The following PPIL2 variants were observed in gnomAD, a reference collection of about 807,000 sequenced individuals.
PPIL2 encodes peptidylprolyl isomerase like 2.
A neutral mutation model predicts 75.2 loss-of-function variants in PPIL2; 50 were observed. That is an observed-to-expected ratio of 0.66 (90% CI 0.53 to 0.84). PPIL2 has a LOEUF of 0.84. Ranked by LOEUF, PPIL2 falls within the 40% of genes least tolerant of loss-of-function variation. The pLI is 0.00. For synonymous variants in PPIL2, 245 were observed against 258.8 expected, an observed-to-expected ratio of 0.95 and a Z score of 0.51; for missense variants, 590 against 685.0, an observed-to-expected ratio of 0.86 and a Z score of 1.55.
chr22:21,696,915 C>T lies in PPIL2; in HGVS notation c.*1425C>T, dbSNP rs116407377. 2.1e-3 allele frequency: 3,293 copies of T among 1,591,156 alleles called. 55 individuals carry two copies. The African/African-American group carries it at 0.039, about 19-fold the overall frequency. ...CTGATGACCACTAGAGGTATGTCTG[C>T]CCCTCGTCACCCTGCTGCACACCAA... On this transcript the variant is annotated 3_prime_UTR_variant, in exon 20 of 20. Coordinates refer to ENST00000398831, the MANE Select transcript of PPIL2 (RefSeq NM_014337.4).
intron 6 of PPIL2, 107 bp downstream of exon 6, chr22:21,675,222 A>G (rs1232526328): frequency 3.6e-6 from 4 of 1,102,480 alleles, no homozygotes; most frequent in Non-Finnish European, 5.4e-6. Context: ...ACCAAGCTAG[A>G]CACCTGCTTT....
At chr22:21,670,045 TA>T in intron 2 of PPIL2, 83 bp downstream of exon 2, 1 of 1,395,706 alleles carries the variant, frequency 7.2e-7, no homozygotes, top group African/African-American at 1.4e-5. Flanking sequence ...GCTGTAAAAA[TA>T]GACAACAAGA....
rs773068221 is a variant in PPIL2 at position 21,669,977 on chromosome 22, C to T, written c.82+15C>T. Reference sequence around the variant, plus strand: ...CAAGAAGCCAGGTAAGGCATGCAGTCTTTCTGTTCCCCGTTGGGGGAGTGG... The same window carrying T: ...CAAGAAGCCAGGTAAGGCATGCAGTTTTTCTGTTCCCCGTTGGGGGAGTGG... On this transcript the variant is annotated intron_variant, in intron 2 of 19. Transcript: ENST00000398831. The T allele has an allele frequency of 1.9e-6, 3 of 1,609,830 alleles. No individual in the cohort carries two copies. In the South Asian group the frequency reaches 3.3e-5, roughly 18 times the overall value.
intron 6 of PPIL2, among the ~76,000 whole-genome samples, chr22:21,676,305 TA>T (rs1223089360): frequency 9.8e-4 from 62 of 63,220 alleles, no homozygotes; most frequent in South Asian, 5.9e-3. Context: ...TTTATTTATT[TA>T]TTTTGTGTGT....
chr22:21,679,466 G>A (rs1194873808), intron 6 of PPIL2, among the ~76,000 whole-genome samples: 1 of 147,882 alleles, frequency 6.8e-6, no homozygotes, highest in East Asian at 2.0e-4. Flanking sequence ...AGCCAGTGTG[G>A]TTGAGCACAC....
intron 9 of PPIL2, among the ~76,000 whole-genome samples, chr22:21,684,421 C>A (rs2067257907): frequency 8.0e-6 from 1 of 124,516 alleles, no homozygotes; most frequent in Non-Finnish European, 1.6e-5. Context: ...CACTGCACTC[C>A]AGCCTGGACG....
rs372784773 is a variant in PPIL2 at position 21,695,392 on chromosome 22, A to G, written c.1467-2A>G. The stretch of plus-strand genomic sequence containing the variant: ...GCTCCCAGCGGCTTCTTCTCTTCCC[A>G]GGAAGCGAGCAGCAGAGGAAGAGCC... On this transcript the variant is annotated splice_acceptor_variant, in intron 19 of 19. Coordinates refer to ENST00000398831, the MANE Select transcript of PPIL2 (RefSeq NM_014337.4). LOFTEE classifies it high-confidence loss of function. 5 of 1,604,070 alleles carry G rather than the reference A, an allele frequency of 3.1e-6. No individual in the cohort carries two copies. The African/African-American group carries it at 5.4e-5, about 17-fold the overall frequency.
intron 3 of PPIL2, 163 bp downstream of exon 3, chr22:21,670,774 T>C: frequency 1.1e-6 from 1 of 907,478 alleles, no homozygotes; most frequent in Non-Finnish European, 1.8e-6. Flanking sequence ...GTCATGATGT[T>C]AGGAGCTTGC....
In PPIL2 at chr22:21,688,091, A is replaced by G. The variant is rs1435709815; in HGVS notation, c.1006A>G (p.Thr336Ala). ...TTCACAGATCCAAGGGGGCGACCCC[A>G]CAGGCACAGGCACGGGTAGGTACTG... is the stretch of plus-strand genomic sequence containing the variant. ...RNFVIQGGDP[T>A]GTGTGGESYW... The change falls in exon 14 of 20, where the codon ACA (threonine) becomes GCA (alanine). Residue 336 changes from threonine to alanine, a missense_variant. Physicochemically the swap from Thr to Ala is moderately conservative, Grantham distance 58 (BLOSUM62 0). Transcript: ENST00000398831. The G allele has an allele frequency of 3.1e-6, 5 of 1,614,186 alleles. No individual in the cohort carries two copies. The highest frequency in any genetic ancestry group is 1.7e-6 in the Non-Finnish European group (2 of 1,180,024).
At chr22:21,672,891 C>T (rs1411164390) in intron 5 of PPIL2, among the ~76,000 whole-genome samples, 2 of 152,230 alleles carry the variant, frequency 1.3e-5, no homozygotes, top group Non-Finnish European at 2.9e-5. Flanking sequence ...GCTGGAGCCG[C>T]TGGGAGGGAG....
chr22:21,682,979 C>A (rs919495619), intron 8 of PPIL2, among the ~76,000 whole-genome samples: 1 of 152,186 alleles, frequency 6.6e-6, no homozygotes, highest in Non-Finnish European at 1.5e-5. Context: ...AGCGAGGCTG[C>A]GTCCCCGTCC....
At position 21,683,055 on chromosome 22, in the gene PPIL2, C is replaced by T. The variant is rs1041673770; in HGVS notation, c.478-127C>T. 6.1e-6 allele frequency: 5 copies of T among 817,740 alleles called. No individual in the cohort carries two copies. The East Asian group carries it at 7.3e-5, about 12-fold the overall frequency. The allele number at this position is 817,740 out of a possible 1,614,324, so 50.7% of individuals were successfully genotyped here. Reference sequence around the variant, plus strand: ...ACCTCCTCCCTCATGCCCTGCTTGACTCCCCCAACCTCAGTGTAGCCCTGG... The same window carrying T: ...ACCTCCTCCCTCATGCCCTGCTTGATTCCCCCAACCTCAGTGTAGCCCTGG... On this transcript the variant is annotated intron_variant, in intron 8 of 19. Coordinates refer to ENST00000398831, the MANE Select transcript of PPIL2 (RefSeq NM_014337.4).
downstream of PPIL2, chr22:21,698,408 T>C (rs192020136): frequency 6.6e-6 from 1 of 152,410 alleles, no homozygotes; most frequent in East Asian, 1.9e-4. Flanking sequence ...AATAGAACTT[T>C]AGTATATACA....
intron 10 of PPIL2, 138 bp from the exon 11 acceptor site, chr22:21,686,345 A>C: frequency 1.3e-6 from 1 of 747,994 alleles, no homozygotes; most frequent in South Asian, 1.7e-5. Context: ...CTGGTTGGGG[A>C]GGCCCTCCTG....
At chr22:21,674,826 C>T (rs2066769423) in intron 5 of PPIL2, among the ~76,000 whole-genome samples, 1 of 152,206 alleles carries the variant, frequency 6.6e-6, no homozygotes, top group Non-Finnish European at 1.5e-5. Flanking sequence ...TCCTCCTGCT[C>T]GGGGTCACCC....
At position 21,697,209 on chromosome 22, in the gene PPIL2, C is replaced by T. The variant is rs2067972054; in HGVS notation, c.*1719C>T. 2 of 573,118 alleles carry T rather than the reference C, an allele frequency of 3.5e-6. No individual in the cohort carries two copies. Among genetic ancestry groups the T allele is most frequent in the Non-Finnish European group, 6.2e-6 (2 of 321,662 alleles). The allele number at this position is 573,118 out of a possible 1,614,324, so 35.5% of individuals were successfully genotyped here. On this transcript the variant is annotated 3_prime_UTR_variant, in exon 20 of 20. Coordinates refer to ENST00000398831, the MANE Select transcript of PPIL2 (RefSeq NM_014337.4). ...GGGGCACAGTAGGACACAGTGACTGCCCAGGTGTCCACACACCTGTAGGCC... is the reference window on the plus strand; with the variant it reads ...GGGGCACAGTAGGACACAGTGACTGTCCAGGTGTCCACACACCTGTAGGCC...
At chr22:21,687,780 C>T (rs369504529) in intron 13 of PPIL2, 48 bp downstream of exon 13, 16 of 1,562,846 alleles carry the variant, frequency 1.0e-5, no homozygotes, top group Non-Finnish European at 1.3e-5. Context: ...GGTGGGACAT[C>T]GGGGGCTGGG....
chr22:21,689,306 C>T (rs910431075), intron 15 of PPIL2, among the ~76,000 whole-genome samples: 8 of 152,218 alleles, frequency 5.3e-5, no homozygotes, highest in African/African-American at 7.2e-5. Flanking sequence ...CAGGGCCATG[C>T]ACACAGGGGC....
rs1474308981 is a variant in PPIL2, at chr22:21,696,635, C to T, written c.*1145C>T. 6.6e-7 allele frequency: 1 copy of T among 1,506,766 alleles called. No individual in the cohort carries two copies. The highest frequency in any genetic ancestry group is 8.8e-7 in the Non-Finnish European group (1 of 1,131,750). The allele number at this position is 1,506,766 out of a possible 1,614,324, so 93.3% of individuals were successfully genotyped here. A position where few individuals can be genotyped will look rare whatever the true frequency, so the allele number is the denominator to read the frequency against. ...CCTTGCCTGACACTTGCCTCTTGGG[C>T]TCCCTGTTGCCCTCAGGCCACCCCC... is the stretch of plus-strand genomic sequence containing the variant. On this transcript the variant is annotated 3_prime_UTR_variant, in exon 20 of 20. Coordinates refer to ENST00000398831, the MANE Select transcript of PPIL2 (RefSeq NM_014337.4).
Sources: allele counts gnomAD v4.1 joint callset (sites outside exome capture counted in the v4.1 genomes callset), GRCh38; gene constraint gnomAD v4.1.1; transcripts MANE v1.5; gene names NCBI Gene and HGNC (gene_info 2026-07-23, HGNC 2026-07-21).